WDR37: variants seen among roughly 807,000 people sequenced by gnomAD.
WDR37 encodes the protein WD repeat domain 37, also known as WD repeat-containing protein 37.
A neutral mutation model predicts 62.9 loss-of-function variants in WDR37; 19 were observed. That is an observed-to-expected ratio of 0.30 (90% CI 0.21 to 0.44). The LOEUF is 0.44. Among genes scored for constraint, WDR37 ranks in the 20% least tolerant of loss-of-function variants. The probability of loss-of-function intolerance (pLI) is 1.00; values close to 1 mark genes in which losing one functional copy is unlikely to be tolerated. For synonymous variants in WDR37, 250 were observed against 260.9 expected (o/e 0.96, Z 0.40); for missense variants, 474 against 657.6 (o/e 0.72, Z 3.05).
In WDR37 at chr10:1,100,039, CAAATA is replaced by C. The variant is rs1251990172; in HGVS notation, c.727-3556_727-3552del. ...AGGAGTTAATGTATGGATTGTTTTCCAAATAAAATAAGAAAAACACTAATTTTGTG... is the reference window on the plus strand; with the variant it reads ...AGGAGTTAATGTATGGATTGTTTTCCAAATAAGAAAAACACTAATTTTGTG... On this transcript the variant is annotated intron_variant, in intron 9 of 13. Transcript: ENST00000263150. Among the ~76,000 whole-genome samples the C allele has an allele frequency of 2.6e-5, 4 of 152,310 alleles. No individual in the cohort carries two copies. In the South Asian group the frequency reaches 8.3e-4, roughly 32 times the overall value.
In WDR37 at chr10:1,096,202, T is replaced by C. The variant is rs777261476; in HGVS notation, c.682T>C (p.Tyr228His). 2 of 1,614,192 alleles carry C rather than the reference T, an allele frequency of 1.2e-6. No homozygotes were observed. Among genetic ancestry groups the C allele is most frequent in the Non-Finnish European group, 1.7e-6 (2 of 1,180,034 alleles). The change falls in exon 9 of 14, where the codon TAC becomes CAC. Residue 228 changes from tyrosine (Y) to histidine (H), a missense_variant. Coordinates refer to ENST00000263150, the MANE Select transcript of WDR37 (RefSeq NM_014023.4). ...AGATCAGACTGCTCATATCTGGAGA[T>C]ACGCGGTGCAGCTGCCGACACCCCA... ...SGDQTAHIWR[Y>H]AVQLPTPQPV...
chr10:1,089,664 G>T (rs117884517), intron 7 of WDR37, among the ~76,000 whole-genome samples: 875 of 28,154 alleles, frequency 0.031, 13 homozygotes, highest in African/African-American at 0.06. Flanking sequence ...CTCACCCGCA[G>T]TTCGGCCTTC....
intron 1 of WDR37, among the ~76,000 whole-genome samples, chr10:1,071,757 C>G (rs540454758): frequency 6.6e-6 from 1 of 152,148 alleles, no homozygotes; most frequent in South Asian, 2.1e-4. Flanking sequence ...TATTGGACAG[C>G]ATGAGTCTAG....
At chr10:1,096,419 A>G (rs113961200) in intron 9 of WDR37, 173 bp downstream of exon 9, 43 of 656,134 alleles carry the variant, frequency 6.6e-5, no homozygotes, top group African/African-American at 4.3e-4. Flanking sequence ...GTAGTAGTTA[A>G]GGTTCAGTGA....
At chr10:1,088,870 G>A (rs1408586266) in intron 7 of WDR37, among the ~76,000 whole-genome samples, 1 of 152,136 alleles carries the variant, frequency 6.6e-6, no homozygotes, top group Non-Finnish European at 1.5e-5. Flanking sequence ...GTAAAGTGAA[G>A]GGTAATAAAA....
At chr10:1,128,391 G>A (rs891366297) in intron 13 of WDR37, among the ~76,000 whole-genome samples, 2 of 152,230 alleles carry the variant, frequency 1.3e-5, no homozygotes, top group African/African-American at 2.4e-5. Context: ...CATACACACC[G>A]ATATGCTATT....
intron 11 of WDR37, among the ~76,000 whole-genome samples, chr10:1,114,303 T>C (rs1835316500): frequency 6.6e-6 from 1 of 152,186 alleles, no homozygotes; most frequent in African/African-American, 2.4e-5. Flanking sequence ...GAGAAATCTT[T>C]TGTAAAAGGA....
chr10:1,110,713 C>T (rs1047590337), intron 11 of WDR37, among the ~76,000 whole-genome samples: 17 of 152,234 alleles, frequency 1.1e-4, no homozygotes, highest in African/African-American at 4.1e-4. Context: ...CCCTGGGTCC[C>T]CTGCCTTCCC....
Position 1,086,435 on chromosome 10 carries a change from G to T in WDR37, c.604+78G>T, listed in dbSNP as rs1167815685. Reference sequence around the variant, plus strand: ...TGTTTTTAAAATCGTGCATGATAAAGCCAGCTGCTACTGTGTAGGAAGCCT... The same window carrying T: ...TGTTTTTAAAATCGTGCATGATAAATCCAGCTGCTACTGTGTAGGAAGCCT... On this transcript the variant is annotated intron_variant, in intron 7 of 13. Transcript: ENST00000263150. The T allele has an allele frequency of 4.3e-6, 5 of 1,163,264 alleles. No individual in the cohort carries two copies. The Admixed American group carries it at 5.5e-5, about 13-fold the overall frequency. 72.1% of individuals were successfully genotyped at this position (1,163,264 alleles called of 1,614,324 possible). A position where few individuals can be genotyped will look rare whatever the true frequency, so the allele number is the denominator to read the frequency against.
chr10:1,079,760 C>G (rs1293312206), intron 3 of WDR37, among the ~76,000 whole-genome samples: 1 of 151,998 alleles, frequency 6.6e-6, no homozygotes, highest in Non-Finnish European at 1.5e-5. Flanking sequence ...CTCCTGACCT[C>G]GTGATCCACC....
intron 7 of WDR37, among the ~76,000 whole-genome samples, chr10:1,087,114 G>T (rs1033239893): frequency 3.3e-5 from 5 of 152,198 alleles, no homozygotes; most frequent in African/African-American, 1.2e-4. Context: ...CCTTTCCCAG[G>T]ACCTCCTCTC....
At chr10:1,125,569 C>T (rs1312286950) in intron 13 of WDR37, among the ~76,000 whole-genome samples, 1 of 152,188 alleles carries the variant, frequency 6.6e-6, no homozygotes, top group East Asian at 1.9e-4. Flanking sequence ...CATGCAGCTC[C>T]TCTGTTTCAC....
In WDR37 at chr10:1,077,956, G is replaced by C; in HGVS notation, c.188G>C (p.Gly63Ala). 6.2e-7 allele frequency: 1 copy of C among 1,611,622 alleles called. No homozygotes were observed. The highest frequency in any genetic ancestry group is 1.1e-5 in the South Asian group (1 of 90,652). The change falls in exon 3 of 14, where the codon GGT becomes GCT. Residue 63 changes from glycine (G) to alanine (A), a missense_variant. Coordinates refer to ENST00000263150, the MANE Select transcript of WDR37 (RefSeq NM_014023.4). ...SVRSTLLELF[G>A]QIEREFENLY... is the part of the protein sequence containing the mutation. The stretch of plus-strand genomic sequence containing the variant: ...CGCAGTACACTTCTGGAACTGTTTG[G>C]TCAAATAGAAAGAGAATTTGAAAAC...
intron 1 of WDR37, among the ~76,000 whole-genome samples, chr10:1,062,183 G>A (rs931436340): frequency 4.6e-5 from 7 of 152,146 alleles, no homozygotes; most frequent in Non-Finnish European, 7.3e-5. Context: ...TTCCAGGGAG[G>A]TGATTGTAGG....
At chr10:1,091,551 A>G (rs1158845034) in intron 7 of WDR37, among the ~76,000 whole-genome samples, 3 of 152,324 alleles carry the variant, frequency 2.0e-5, no homozygotes, top group East Asian at 1.9e-4. Context: ...CAAATTTCCT[A>G]TATGTTCTAC....
chr10:1,074,321 C>T, intron 2 of WDR37: 1 of 1,216,130 alleles, frequency 8.2e-7, no homozygotes, highest in Non-Finnish European at 1.1e-6. Flanking sequence ...GCCCATTCTC[C>T]TTTGTGACAC....
intron 7 of WDR37, among the ~76,000 whole-genome samples, chr10:1,092,872 CAAAAAAAAAAAAA>C (rs56220560): frequency 1.9e-4 from 8 of 41,974 alleles, no homozygotes; most frequent in Admixed American, 9.9e-4. Flanking sequence ...CCCTATCTCA[CAAAAAAAAAAAAA>C]AAAAAAAAAA....
intron 2 of WDR37, chr10:1,074,595 C>A (rs576259254): frequency 3.4e-4 from 398 of 1,168,902 alleles, no homozygotes; most frequent in African/African-American, 2.2e-3. Context: ...TGCCTTCCCC[C>A]TGCCGTGGGC....
chr10:1,068,779 C>A (rs750374579), intron 1 of WDR37, among the ~76,000 whole-genome samples: 17 of 152,164 alleles, frequency 1.1e-4, no homozygotes, highest in Non-Finnish European at 2.2e-4. Flanking sequence ...TATACACATA[C>A]AAGAAATTTG....
Sources: gnomAD v4.1 joint callset for allele counts (sites outside exome capture counted in the v4.1 genomes callset) on GRCh38, gnomAD v4.1.1 for gene constraint, MANE v1.5 for transcripts, NCBI Gene and HGNC (gene_info 2026-07-23, HGNC 2026-07-21) for gene names.